RASSF3: variants seen among roughly 807,000 people sequenced by gnomAD.
RASSF3 encodes Ras association domain family member 3, also known as ras association domain-containing protein 3.
RASSF3 carries 19 observed loss-of-function variants against 19.9 expected under a neutral mutation model. That is an observed-to-expected ratio of 0.96 (90% confidence interval 0.67 to 1.40). The LOEUF (loss-of-function observed/expected upper bound fraction) is 1.40, where lower values mean the gene tolerates loss of function less well. RASSF3 is among the 40% of genes most tolerant of loss of function. The pLI, the probability that RASSF3 is intolerant of heterozygous loss-of-function variation, is 0.00. For missense variants in RASSF3, 306 were observed against 289.8 expected (o/e 1.06, Z -0.41); for synonymous variants, 110 against 104.2 (o/e 1.06, Z -0.34).
chr12:64,650,868 C>G (rs1871928460), intron 1 of RASSF3, among the ~76,000 whole-genome samples: 1 of 152,112 alleles, frequency 6.6e-6, no homozygotes, highest in Non-Finnish European at 1.5e-5. Flanking sequence ...CATTGGAAAA[C>G]CCTTGCACCG....
upstream of RASSF3, among the ~76,000 whole-genome samples, chr12:64,607,494 C>G (rs1264444603): frequency 6.6e-6 from 1 of 151,780 alleles, no homozygotes; most frequent in African/African-American, 2.4e-5. Context: ...CTCAGCCTCC[C>G]GAATAGCTGG....
chr12:64,515,148 C>T (rs1868354345), intron 1 of RASSF3, among the ~76,000 whole-genome samples: 2 of 152,226 alleles, frequency 1.3e-5, no homozygotes, highest in South Asian at 4.1e-4. Flanking sequence ...CCTCCGCCTC[C>T]CGTGTTCAAG....
At chr12:64,679,548 C>T (rs898597315) in intron 1 of RASSF3, among the ~76,000 whole-genome samples, 1 of 152,104 alleles carries the variant, frequency 6.6e-6, no homozygotes, top group Non-Finnish European at 1.5e-5. Context: ...TGGGATTGGG[C>T]CGCACTTCTT....
chr12:64,661,385 T>C (rs1872352176), intron 1 of RASSF3, among the ~76,000 whole-genome samples: 2 of 151,982 alleles, frequency 1.3e-5, no homozygotes, highest in Admixed American at 1.3e-4. Context: ...TTCAGGAGGC[T>C]GAGATGGGAG....
At chr12:64,526,554 A>AT (rs1868591302) in intron 1 of RASSF3, among the ~76,000 whole-genome samples, 1 of 151,388 alleles carries the variant, frequency 6.6e-6, no homozygotes, top group Non-Finnish European at 1.5e-5. Flanking sequence ...TTTTTTTTAA[A>AT]TTTTTTAAAG....
chr12:64,528,829 C>G (rs1203681503), upstream of RASSF3, among the ~76,000 whole-genome samples: 1 of 152,200 alleles, frequency 6.6e-6, no homozygotes, highest in Non-Finnish European at 1.5e-5. Context: ...ACTGATGATG[C>G]TGGAGACAGG....
At chr12:64,568,376 T>C (rs1302897025) in intron 2 of RASSF3, among the ~76,000 whole-genome samples, 2 of 152,084 alleles carry the variant, frequency 1.3e-5, no homozygotes, top group African/African-American at 4.8e-5. Context: ...TGGTAAAACA[T>C]ATATATATCA....
At position 64,525,244 on chromosome 12, in the gene RASSF3, C is replaced by A. The variant is rs537552643; in HGVS notation, c.170-16337C>A. 6.6e-5 allele frequency among the ~76,000 whole-genome samples: 10 copies of A among 152,208 alleles called. No homozygotes were observed. The South Asian group carries it at 2.1e-3, about 32-fold the overall frequency. On this transcript the variant is annotated intron_variant, in intron 1 of 5. Transcript: ENST00000637125. ...TGAGCCAAGATTGCACCATTGTACT[C>A]CATCTGGGCGATAGAGTGAGACTCC...
intron 1 of RASSF3, among the ~76,000 whole-genome samples, chr12:64,664,386 GTTTGGGAAAAATATACATA>G (rs762404109): frequency 6.6e-6 from 1 of 152,176 alleles, no homozygotes; most frequent in Non-Finnish European, 1.5e-5. Context: ...CAAAATTTGA[GTTTGGGAAAAATATACATA>G]TCAGGGATGC....
chr12:64,526,541 G>GT (rs67556126), intron 1 of RASSF3, among the ~76,000 whole-genome samples: 12 of 150,484 alleles, frequency 8.0e-5, no homozygotes, highest in East Asian at 3.9e-4. Flanking sequence ...AAAATGAGTT[G>GT]TTTTTTTTTT....
chr12:64,570,485 A>T lies in RASSF3; in HGVS notation c.294+28780A>T, dbSNP rs113175482. On this transcript the variant is annotated intron_variant, in intron 2 of 5. Coordinates refer to the RASSF3 transcript ENST00000637125. ...TTCTGATTTATGAATTCTCCCTGTGACCACGCAATTTGAGGAGAAGGCTGC... is the reference window on the plus strand; with the variant it reads ...TTCTGATTTATGAATTCTCCCTGTGTCCACGCAATTTGAGGAGAAGGCTGC... 1.7e-3 allele frequency among the ~76,000 whole-genome samples: 258 copies of T among 152,290 alleles called. 2 individuals carry two copies. Among genetic ancestry groups the T allele is most frequent in the African/African-American group, 6.0e-3 (251 of 41,562 alleles).
In RASSF3 at chr12:64,610,738, C is replaced by T; in HGVS notation, c.106C>T (p.Gln36Ter). The T allele has an allele frequency of 6.3e-7, 1 of 1,584,322 alleles. No individual in the cohort carries two copies. The change falls in exon 1 of 5, where the codon CAA becomes TAA. Residue 36 changes from glutamine to a stop codon, truncating the protein, a stop_gained. Coordinates refer to ENST00000542104, the MANE Select transcript of RASSF3 (RefSeq NM_178169.4). LOFTEE classifies it high-confidence loss of function. ...GCCCCAGGGCAAGCCCCGCTCCGGC[C>T]AACAAGTGAGTGGCGCGCGGCGGGC... ...RAPQGKPRSG[Q>*]QDVEKEKETH...
chr12:64,518,315 G>T (rs1028574422), intron 1 of RASSF3, among the ~76,000 whole-genome samples: 1 of 152,122 alleles, frequency 6.6e-6, no homozygotes, highest in African/African-American at 2.4e-5. Flanking sequence ...AAAGAAAAAA[G>T]AGCTATATTG....
chr12:64,624,605 C>G (rs1187119996), intron 1 of RASSF3, among the ~76,000 whole-genome samples: 2 of 151,504 alleles, frequency 1.3e-5, no homozygotes, highest in Non-Finnish European at 2.9e-5. Context: ...CCTCAGTTTC[C>G]TCATTTGTAA....
At chr12:64,621,626 C>T (rs980080155) in intron 1 of RASSF3, among the ~76,000 whole-genome samples, 15 of 152,128 alleles carry the variant, frequency 9.9e-5, no homozygotes, top group African/African-American at 3.1e-4. Flanking sequence ...TATGGGCATG[C>T]GCCACTATGC....
chr12:64,574,189 T>C (rs1418084843), intron 2 of RASSF3, among the ~76,000 whole-genome samples: 1 of 151,284 alleles, frequency 6.6e-6, no homozygotes, highest in Non-Finnish European at 1.5e-5. Context: ...CTGGGGCTTG[T>C]AGTCCCAGCT....
intron 1 of RASSF3, among the ~76,000 whole-genome samples, chr12:64,526,727 G>A (rs577804776): frequency 1.6e-4 from 24 of 151,956 alleles, no homozygotes; most frequent in Non-Finnish European, 3.5e-4. Flanking sequence ...AAAACTTTTC[G>A]TAGAGACAGA....
Position 64,537,995 on chromosome 12 carries a change from C to CT in RASSF3, c.68-3573dup, listed in dbSNP as rs1306662084. On this transcript the variant is annotated intron_variant, in intron 1 of 1. Coordinates refer to the RASSF3 transcript ENST00000636333. ...GTCGTCTATGTCCTACTCGCCTCCT[C>CT]TTTTTTTTTTTTTGAGACAAGATCA... 7.1e-3 allele frequency among the ~76,000 whole-genome samples: 1,024 copies of CT among 144,010 alleles called. 9 individuals carry two copies. The highest frequency in any genetic ancestry group is 0.015 in the Middle Eastern group (4 of 274). 94.5% of individuals were successfully genotyped at this position (144,010 alleles called of 152,430 possible).
intron 2 of RASSF3, among the ~76,000 whole-genome samples, chr12:64,578,937 G>A (rs967110649): frequency 7.2e-5 from 11 of 152,282 alleles, no homozygotes; most frequent in African/African-American, 2.4e-4. Flanking sequence ...CTGAGGTCAG[G>A]AGTTCCAGCC....
Sources: gnomAD v4.1 joint callset for allele counts (sites outside exome capture counted in the v4.1 genomes callset) on GRCh38, gnomAD v4.1.1 for gene constraint, MANE v1.5 for transcripts, NCBI Gene and HGNC (gene_info 2026-07-23, HGNC 2026-07-21) for gene names.